The following PDCD1LG2 variants were observed in gnomAD, a reference collection of about 807,000 sequenced individuals.
PDCD1LG2 encodes B7 dendritic cell molecule.
Under a neutral mutation model 28.2 loss-of-function variants are expected in PDCD1LG2, and 32 were observed. The observed-to-expected ratio is 1.13, with a 90% CI of 0.86 to 1.52. PDCD1LG2 has a LOEUF of 1.52. Ranked by LOEUF, PDCD1LG2 falls within the 40% of genes most tolerant of loss-of-function variation. The pLI is 0.00. For synonymous variants in PDCD1LG2, 116 were observed against 120.2 expected (o/e 0.97, Z 0.23); for missense variants, 385 against 323.8 (o/e 1.19, Z -1.45).
intron 5 of PDCD1LG2, among the ~76,000 whole-genome samples, chr9:5,561,971 T>C (rs1006577611): frequency 5.3e-5 from 8 of 152,296 alleles, no homozygotes; most frequent in Non-Finnish European, 1.2e-4. Flanking sequence ...TCCTTTCAAA[T>C]GCAAACCCTC....
At chr9:5,525,387 C>T (rs1820354317) in intron 2 of PDCD1LG2, among the ~76,000 whole-genome samples, 1 of 150,334 alleles carries the variant, frequency 6.7e-6, no homozygotes, top group Non-Finnish European at 1.5e-5. Flanking sequence ...GCGGTATTCT[C>T]AGTCATTACA....
chr9:5,538,811 A>AT (rs551712585), intron 3 of PDCD1LG2, among the ~76,000 whole-genome samples: 7 of 151,948 alleles, frequency 4.6e-5, no homozygotes, highest in African/African-American at 1.7e-4. Flanking sequence ...TTTTGAGATC[A>AT]TTTTTTTGGG....
At chr9:5,560,094 T>C (rs574985862) in intron 5 of PDCD1LG2, among the ~76,000 whole-genome samples, 2 of 152,356 alleles carry the variant, frequency 1.3e-5, no homozygotes, top group South Asian at 4.1e-4. Context: ...AATCCCCTTA[T>C]TATATGTTTC....
chr9:5,514,772 G>GAAAAAAAAAAAAAAAAAAAAAAAAAAA (rs60002651), intron 1 of PDCD1LG2, among the ~76,000 whole-genome samples: 3 of 62,394 alleles, frequency 4.8e-5, no homozygotes, highest in Non-Finnish European at 6.7e-5. Context: ...AGTCTCTAAA[G>GAAAAAAAAAAAAAAAAAAAAAAAAAAA]AAAAAAAAAA....
rs527456758 is a variant in PDCD1LG2 at position 5,549,671 on chromosome 9, G to A, written c.631+67G>A. On this transcript the variant is annotated intron_variant, in intron 4 of 6. Transcript: ENST00000397747. ...CAGACAAGAAACAGATGGCATACTCGAGTGATTTGAGGAGAGTGTAATAAA... is the reference window on the plus strand; with the variant it reads ...CAGACAAGAAACAGATGGCATACTCAAGTGATTTGAGGAGAGTGTAATAAA... 317 of 1,567,626 alleles carry A rather than the reference G, an allele frequency of 2.0e-4. No homozygotes were observed. Among genetic ancestry groups the A allele is most frequent in the East Asian group, 1.8e-3 (81 of 44,494 alleles).
At chr9:5,563,052 T>G (rs1586821471) in intron 5 of PDCD1LG2, 110 bp from the exon 6 acceptor site, 1 of 910,446 alleles carries the variant, frequency 1.1e-6, no homozygotes, top group Non-Finnish European at 1.7e-6. Context: ...CATTTGGGCT[T>G]CGCTATGTGG....
chr9:5,559,210 C>T (rs773899183), intron 5 of PDCD1LG2, among the ~76,000 whole-genome samples: 18 of 152,212 alleles, frequency 1.2e-4, no homozygotes, highest in Non-Finnish European at 2.2e-4. Context: ...TCAGTAGCTC[C>T]GAGCTGGGAG....
At chr9:5,563,906 C>A (rs151133672) in intron 6 of PDCD1LG2, among the ~76,000 whole-genome samples, 2 of 152,318 alleles carry the variant, frequency 1.3e-5, no homozygotes, top group African/African-American at 2.4e-5. Flanking sequence ...CAACCTACAT[C>A]ATGGGAGATA....
chr9:5,551,300 C>T (rs1217170908), intron 4 of PDCD1LG2, among the ~76,000 whole-genome samples: 2 of 152,168 alleles, frequency 1.3e-5, no homozygotes, highest in Admixed American at 1.3e-4. Flanking sequence ...CATTGTATTT[C>T]ACAGTTTGCC....
chr9:5,535,857 C>G (rs1033235014), intron 3 of PDCD1LG2, among the ~76,000 whole-genome samples: 2 of 152,166 alleles, frequency 1.3e-5, no homozygotes, highest in African/African-American at 4.8e-5. Context: ...AATCTTCACA[C>G]TCTTGTTTGT....
chr9:5,547,541 G>T (rs1043236273), intron 3 of PDCD1LG2, among the ~76,000 whole-genome samples: 1 of 152,064 alleles, frequency 6.6e-6, no homozygotes, highest in African/African-American at 2.4e-5. Context: ...GTTTTTATAA[G>T]GTTGTAATGT....
At chr9:5,546,320 G>C (rs1384763827) in intron 3 of PDCD1LG2, among the ~76,000 whole-genome samples, 1 of 152,086 alleles carries the variant, frequency 6.6e-6, no homozygotes, top group Admixed American at 6.5e-5. Flanking sequence ...TCCTGTTCTT[G>C]TTCTACTTCA....
chr9:5,549,192 G>A, intron 3 of PDCD1LG2, 143 bp from the exon 4 acceptor site: 1 of 760,814 alleles, frequency 1.3e-6, no homozygotes, highest in Non-Finnish European at 2.1e-6. Flanking sequence ...TGATATCAGG[G>A]ATATACAATG....
chr9:5,522,597 A>G lies in PDCD1LG2; in HGVS notation c.51A>G (p.Ile17Met). The G allele has an allele frequency of 6.2e-7, 1 of 1,613,674 alleles. No homozygotes were observed. The highest frequency in any genetic ancestry group is 8.5e-7 in the Non-Finnish European group (1 of 1,179,624). ...GCCTGGAATTGCAGCTTCACCAGAT[A>G]GCAGGTAAGAAAGGACAAAGGGAGA... is the stretch of plus-strand genomic sequence containing the variant. Reference protein sequence around the residue: ...MLSLELQLHQIAALFTVTVPK... With the variant: ...MLSLELQLHQMAALFTVTVPK... Residue 17 changes from isoleucine (I) to methionine (M), a missense_variant, in exon 2 of 7, where the codon ATA becomes ATG. Transcript: ENST00000397747.
intron 3 of PDCD1LG2, among the ~76,000 whole-genome samples, chr9:5,546,965 A>T (rs1816222973): frequency 6.6e-6 from 1 of 152,162 alleles, no homozygotes; most frequent in South Asian, 2.1e-4. Context: ...TAGTGAACCC[A>T]GATCTAGTGG....
chr9:5,524,694 G>A (rs1399677560), intron 2 of PDCD1LG2, among the ~76,000 whole-genome samples: 1 of 152,164 alleles, frequency 6.6e-6, no homozygotes, highest in African/African-American at 2.4e-5. Flanking sequence ...CTTCTGGGGA[G>A]GGGAGGAGGT....
intron 6 of PDCD1LG2, among the ~76,000 whole-genome samples, chr9:5,568,276 T>G (rs1399995158): frequency 6.6e-6 from 1 of 152,188 alleles, no homozygotes; most frequent in African/African-American, 2.4e-5. Context: ...AGTGGCCTGT[T>G]AGGAACTGAG....
chr9:5,543,551 A>AG (rs1455640454), intron 3 of PDCD1LG2, among the ~76,000 whole-genome samples: 1 of 150,980 alleles, frequency 6.6e-6, no homozygotes, highest in East Asian at 1.9e-4. Context: ...AAAAAAAAAA[A>AG]AAAAAAAAAT....
chr9:5,562,254 A>G (rs1302258944), intron 5 of PDCD1LG2, among the ~76,000 whole-genome samples: 5 of 152,212 alleles, frequency 3.3e-5, no homozygotes, highest in Non-Finnish European at 5.9e-5. Flanking sequence ...CCATTGACGA[A>G]TAAGTGGATA....
Sources: gnomAD v4.1 joint callset for allele counts (sites outside exome capture counted in the v4.1 genomes callset) on GRCh38, gnomAD v4.1.1 for gene constraint, MANE v1.5 for transcripts, NCBI Gene and HGNC (gene_info 2026-07-23, HGNC 2026-07-21) for gene names.